The following SLC37A3 variants were observed in gnomAD, a reference collection of about 807,000 sequenced individuals.
SLC37A3 encodes solute carrier family 37 member 3, also known as sugar phosphate exchanger 3.
SLC37A3 carries 51 observed loss-of-function variants against 67.1 expected under a neutral mutation model. The observed-to-expected ratio is 0.76, with a 90% confidence interval of 0.61 to 0.96. The LOEUF (loss-of-function observed/expected upper bound fraction) is 0.96. SLC37A3 is among the 40% of genes least tolerant of loss of function. The pLI, the probability that SLC37A3 is intolerant of heterozygous loss-of-function variation, is 0.00. For missense variants in SLC37A3, 508 were observed against 603.0 expected (o/e 0.84, Z 1.65); for synonymous variants, 214 against 231.4 (o/e 0.92, Z 0.68).
At position 140,348,756 on chromosome 7, in the gene SLC37A3, G is replaced by A. The variant is rs533333612; in HGVS notation, c.894C>T (p.Ala298=). ...CLPGVIPYSL[A]YACLKLVNYS... ...AATTCACTAACTTCAAGCAGGCGTA[G>A]GCCAGTGAGTACTACAAGAAAAGCA... The change falls in exon 10 of 15, where the codon GCC becomes GCT. Residue 298 remains alanine (A), a synonymous_variant. Transcript: ENST00000326232. The A allele has an allele frequency of 2.2e-5, 35 of 1,614,082 alleles. No individual in the cohort carries two copies. The South Asian group carries it at 3.0e-4, about 14-fold the overall frequency.
At chr7:140,384,079 A>C in intron 1 of SLC37A3, among the ~76,000 whole-genome samples, 1 of 152,346 alleles carries the variant, frequency 6.6e-6, no homozygotes, top group East Asian at 1.9e-4. Context: ...TAATGTCTCC[A>C]GTTATGAGTC....
In SLC37A3 at chr7:140,334,069, T is replaced by G. The variant is rs1484354523; in HGVS notation, c.*1343A>C. ...CTGAAGATATATATACTCTACATTT[T>G]TCTAAAGAACGGACACCCCTCAGGC... On this transcript the variant is annotated 3_prime_UTR_variant, in exon 15 of 15. Coordinates refer to ENST00000326232, the MANE Select transcript of SLC37A3 (RefSeq NM_207113.3). 2 of 152,232 alleles carry G rather than the reference T, an allele frequency of 1.3e-5. No homozygotes were observed. Among genetic ancestry groups the G allele is most frequent in the Non-Finnish European group, 2.9e-5 (2 of 68,040 alleles). 9.4% of individuals were successfully genotyped at this position (152,232 alleles called of 1,614,324 possible).
intron 6 of SLC37A3, among the ~76,000 whole-genome samples, chr7:140,356,304 A>G (rs1157099193): frequency 6.6e-6 from 1 of 152,216 alleles, no homozygotes; most frequent in African/African-American, 2.4e-5. Context: ...ATCTACAATC[A>G]TCTCAAAATA....
intron 3 of SLC37A3, among the ~76,000 whole-genome samples, chr7:140,371,331 G>C (rs535006940): frequency 6.6e-6 from 1 of 152,166 alleles, no homozygotes; most frequent in South Asian, 2.1e-4. Flanking sequence ...GTGCCACCAC[G>C]CCCAGATAAT....
At chr7:140,346,240 C>T (rs1276181312) in intron 10 of SLC37A3, among the ~76,000 whole-genome samples, 1 of 152,038 alleles carries the variant, frequency 6.6e-6, no homozygotes, top group African/African-American at 2.4e-5. Flanking sequence ...ATTAGCCGGG[C>T]GTGGTGGCGG....
At chr7:140,355,096 A>G (rs570714034) in intron 7 of SLC37A3, among the ~76,000 whole-genome samples, 2 of 151,998 alleles carry the variant, frequency 1.3e-5, no homozygotes, top group Non-Finnish European at 2.9e-5. Flanking sequence ...TCAACTGGTT[A>G]TATGTCTTTA....
intron 3 of SLC37A3, 62 bp downstream of exon 3, chr7:140,380,220 A>T (rs901331050): frequency 1.7e-4 from 163 of 981,458 alleles, no homozygotes; most frequent in Non-Finnish European, 2.4e-4. Context: ...AGAGCTTAAG[A>T]ACAATCTAGG....
chr7:140,339,947 C>T (rs1205313286), intron 13 of SLC37A3, among the ~76,000 whole-genome samples: 1 of 151,924 alleles, frequency 6.6e-6, no homozygotes, highest in Non-Finnish European at 1.5e-5. Flanking sequence ...ACCGTGTTAG[C>T]CAGGAGGGTC....
intron 13 of SLC37A3, among the ~76,000 whole-genome samples, chr7:140,339,259 G>GT (rs1167850553): frequency 2.1e-4 from 26 of 121,372 alleles, no homozygotes; most frequent in African/African-American, 6.7e-4. Context: ...CTGAGTCCCA[G>GT]TTTTGTTTTT....
chr7:140,364,453 A>C lies in SLC37A3; in HGVS notation c.330T>G (p.Asn110Lys). The C allele has an allele frequency of 6.2e-7, 1 of 1,614,112 alleles. No individual in the cohort carries two copies. The highest frequency in any genetic ancestry group is 8.5e-7 in the Non-Finnish European group (1 of 1,180,014). The stretch of plus-strand genomic sequence containing the variant: ...TGCCAAAAGACAGAACCCATCGCAA[A>C]TTCAACCGATCCCCAACGATGCCAC... The part of the protein sequence containing the change: ...FISGIVGDRL[N>K]LRWVLSFGMC... The change falls in exon 5 of 15, where the codon AAT becomes AAG. Residue 110 changes from asparagine to lysine, a missense_variant. Coordinates refer to ENST00000326232, the MANE Select transcript of SLC37A3 (RefSeq NM_207113.3).
intron 10 of SLC37A3, among the ~76,000 whole-genome samples, chr7:140,347,224 C>T (rs62490370): frequency 0.12 from 16,735 of 138,804 alleles, 989 homozygotes; most frequent in African/African-American, 0.13. Context: ...CCAGCGTGGG[C>T]GACAGAGCAG....
Position 140,335,299 on chromosome 7 carries a change from C to T in SLC37A3, c.*113G>A, listed in dbSNP as rs1796087711. On this transcript the variant is annotated 3_prime_UTR_variant, in exon 15 of 15. Transcript: ENST00000326232. ...GGTGGCTGGCAGTGTTGAGAGACGC[C>T]TGACAATCCAAGATCAGGCTGGAGC... 1 of 1,613,978 alleles carries T rather than the reference C, an allele frequency of 6.2e-7. No individual in the cohort carries two copies. The highest frequency in any genetic ancestry group is 1.3e-5 in the African/African-American group (1 of 74,888).
intron 1 of SLC37A3, among the ~76,000 whole-genome samples, chr7:140,393,988 T>C (rs1293618492): frequency 6.6e-6 from 1 of 152,012 alleles, no homozygotes; most frequent in Non-Finnish European, 1.5e-5. Flanking sequence ...CTGAGCAATA[T>C]GGTGAAACCC....
At chr7:140,392,917 CTA>C (rs1181080883) in intron 1 of SLC37A3, among the ~76,000 whole-genome samples, 1 of 152,116 alleles carries the variant, frequency 6.6e-6, no homozygotes, top group East Asian at 1.9e-4. Context: ...CATGATGAAA[CTA>C]TGTCTCTACT....
chr7:140,339,091 A>T (rs538528788), intron 13 of SLC37A3, among the ~76,000 whole-genome samples: 1 of 152,132 alleles, frequency 6.6e-6, no homozygotes. Context: ...ATCACAGCTC[A>T]CTGTAACTTC....
rs1463588032 is a variant in SLC37A3 at position 140,345,272 on chromosome 7, G to C, written c.1127-9C>G. 6.2e-7 allele frequency: 1 copy of C among 1,612,926 alleles called. No individual in the cohort carries two copies. The highest frequency in any genetic ancestry group is 1.7e-5 in the Admixed American group (1 of 59,976). ...CTTATCATTTGGAGAACCTGTGAGG[G>C]AAGACACAGACAAACCATGGTGGCT... is the stretch of plus-strand genomic sequence containing the variant. On this transcript the variant is annotated splice_polypyrimidine_tract_variant and intron_variant, in intron 11 of 14. Transcript: ENST00000326232.
chr7:140,341,407 G>A (rs1432719823), intron 13 of SLC37A3, among the ~76,000 whole-genome samples: 1 of 152,100 alleles, frequency 6.6e-6, no homozygotes, highest in Non-Finnish European at 1.5e-5. Flanking sequence ...ACCGTGACAG[G>A]TGCCTACTAC....
At chr7:140,362,974 CCCGGCCGGG>C (rs1405965212) in intron 5 of SLC37A3, among the ~76,000 whole-genome samples, 1 of 90,786 alleles carries the variant, frequency 1.1e-5, no homozygotes, top group East Asian at 3.8e-4. Flanking sequence ...AGCCGGCCGC[CCCGGCCGGG>C]AGGTGAGGGG....
rs768465343 is a variant in SLC37A3, at chr7:140,335,458, A to C, written c.1439T>G (p.Ile480Arg). The C allele has an allele frequency of 1.6e-5, 26 of 1,614,012 alleles. No individual in the cohort carries two copies. Among genetic ancestry groups the C allele is most frequent in the Non-Finnish European group, 2.0e-5 (24 of 1,180,020 alleles). The change falls in exon 15 of 15, where the codon ATA becomes AGA. Residue 480 changes from isoleucine (I) to arginine (R), a missense_variant. Physicochemically the swap from Ile to Arg is moderately conservative, Grantham distance 97. Transcript: ENST00000326232. ...CTGTCTCCTTAGCACGAGAGAGAAT[A>C]TTTCCCTCACTATTAATGGCGAGAT... The part of the protein sequence containing the change: ...VFISPLIVRE[I>R]FSLVLRRQAH...
Sources: gnomAD v4.1 joint callset for allele counts (sites outside exome capture counted in the v4.1 genomes callset) on GRCh38, gnomAD v4.1.1 for gene constraint, MANE v1.5 for transcripts, NCBI Gene and HGNC (gene_info 2026-07-23, HGNC 2026-07-21) for gene names.